Variants in HEMK2 observed in about 807,000 individuals in gnomAD.
HEMK2 encodes the protein HemK methyltransferase 2, ETF1 glutamine and histone H4 lysine.
At chr21:28,607,261 A>T in the HEMK2 span, among the ~76,000 whole-genome samples, 1 of 152,106 alleles carries the variant, frequency 6.6e-6, no homozygotes. Context: ...AATACAAAAA[A>T]TTAGCCAGGC....
chr21:28,878,317 A>G, the HEMK2 span: 2 of 1,613,510 alleles, frequency 1.2e-6, no homozygotes, highest in South Asian at 1.1e-5. Flanking sequence ...AGCTGCCTCT[A>G]TTCCGTGACT....
the HEMK2 span, among the ~76,000 whole-genome samples, chr21:28,640,529 G>C: frequency 6.6e-6 from 1 of 152,194 alleles, no homozygotes; most frequent in Non-Finnish European, 1.5e-5. Flanking sequence ...AGCGGAATCA[G>C]GGGCAACCAC....
the HEMK2 span, among the ~76,000 whole-genome samples, chr21:28,714,869 C>T: frequency 4.2e-4 from 64 of 152,282 alleles, 1 homozygote; most frequent in African/African-American, 1.5e-3. Flanking sequence ...TTAGCTCCCA[C>T]TTATAAGCAA....
chr21:28,703,017 G>A, the HEMK2 span, among the ~76,000 whole-genome samples: 3 of 152,144 alleles, frequency 2.0e-5, no homozygotes, highest in Admixed American at 1.3e-4. Flanking sequence ...GCAGCAACAT[G>A]GATGGAGCTG....
At chr21:28,728,287 T>C in the HEMK2 span, among the ~76,000 whole-genome samples, 1 of 152,192 alleles carries the variant, frequency 6.6e-6, no homozygotes, top group Non-Finnish European at 1.5e-5. Flanking sequence ...TTATCACCTA[T>C]GACTTTGGAT....
chr21:28,871,927 C>A, the HEMK2 span, among the ~76,000 whole-genome samples: 2 of 111,040 alleles, frequency 1.8e-5, no homozygotes, highest in Admixed American at 8.4e-5. Flanking sequence ...CCTGTTCTTA[C>A]AAGGACACAA....
the HEMK2 span, among the ~76,000 whole-genome samples, chr21:28,781,455 A>G: frequency 7.6e-6 from 1 of 132,086 alleles, no homozygotes; most frequent in Non-Finnish European, 1.6e-5. Flanking sequence ...GCTCCCCAAG[A>G]TCACCCTCAG....
chr21:28,820,933 G>A, the HEMK2 span, among the ~76,000 whole-genome samples: 1 of 152,122 alleles, frequency 6.6e-6, no homozygotes, highest in South Asian at 2.1e-4. Flanking sequence ...TACATCAAGG[G>A]CTGAATTCCA....
chr21:28,620,660 C>CTTTTTTTTTTTTTTTTTTTTTTTTTTTTT, the HEMK2 span, among the ~76,000 whole-genome samples: 45 of 49,654 alleles, frequency 9.1e-4, 9 homozygotes, highest in South Asian at 1.1e-3. Flanking sequence ...TCTCTCTTTT[C>CTTTTTTTTTTTTTTTTTTTTTTTTTTTTT]TTTTTTTTTT....
the HEMK2 span, among the ~76,000 whole-genome samples, chr21:28,636,405 C>G: frequency 3.3e-5 from 5 of 152,094 alleles, no homozygotes; most frequent in Admixed American, 1.3e-4. Flanking sequence ...GAAAATGGAG[C>G]CTTGATGGAC....
chr21:28,784,029 G>C, the HEMK2 span, among the ~76,000 whole-genome samples: 2 of 152,208 alleles, frequency 1.3e-5, no homozygotes, highest in Non-Finnish European at 2.9e-5. Context: ...TGCCATGCCT[G>C]AGCCTCCCCC....
chr21:28,783,493 A>G, the HEMK2 span, among the ~76,000 whole-genome samples: 1 of 152,180 alleles, frequency 6.6e-6, no homozygotes, highest in Non-Finnish European at 1.5e-5. Flanking sequence ...CTTAAATAAT[A>G]TTTTTAGTAT....
the HEMK2 span, among the ~76,000 whole-genome samples, chr21:28,724,221 T>C: frequency 1.3e-5 from 2 of 152,252 alleles, no homozygotes; most frequent in Non-Finnish European, 2.9e-5. Flanking sequence ...ACATAATCCC[T>C]TGCTCAAAGC....
At chr21:28,807,343 C>T in the HEMK2 span, among the ~76,000 whole-genome samples, 1 of 152,206 alleles carries the variant, frequency 6.6e-6, no homozygotes, top group Non-Finnish European at 1.5e-5. Context: ...CCACCATATC[C>T]AATCCATCTG....
chr21:28,870,736 T>C, the HEMK2 span, among the ~76,000 whole-genome samples: 2 of 152,232 alleles, frequency 1.3e-5, no homozygotes, highest in Non-Finnish European at 2.9e-5. Context: ...TTTAGAAGCA[T>C]GTTTTAAATT....
At chr21:28,581,463 T>C in the HEMK2 span, among the ~76,000 whole-genome samples, 1 of 152,020 alleles carries the variant, frequency 6.6e-6, no homozygotes, top group Admixed American at 6.6e-5. Context: ...CGTGGTACAA[T>C]TGCACCACAG....
chr21:28,834,559 G>A, the HEMK2 span, among the ~76,000 whole-genome samples: 1 of 152,190 alleles, frequency 6.6e-6, no homozygotes, highest in African/African-American at 2.4e-5. Context: ...GATCCAACAG[G>A]AGAGGAGCAG....
At chr21:28,692,895 A>G in the HEMK2 span, among the ~76,000 whole-genome samples, 1 of 152,354 alleles carries the variant, frequency 6.6e-6, no homozygotes, top group East Asian at 1.9e-4. Flanking sequence ...AGCCAGTCAC[A>G]AAAGGCCACA....
the HEMK2 span, among the ~76,000 whole-genome samples, chr21:28,582,853 G>A: frequency 4.6e-5 from 7 of 152,148 alleles, no homozygotes; most frequent in Non-Finnish European, 7.4e-5. Context: ...ACCACCTAAG[G>A]ACTACTTGAG....
Sources: gnomAD v4.1 joint callset for allele counts (sites outside exome capture counted in the v4.1 genomes callset) on GRCh38, gnomAD v4.1.1 for gene constraint, MANE v1.5 for transcripts, NCBI Gene and HGNC (gene_info 2026-07-23, HGNC 2026-07-21) for gene names.